Variants in GRID2 observed in about 807,000 individuals in gnomAD.
GRID2 encodes the protein glutamate receptor ionotropic, delta-2.
In GRID2, 33 loss-of-function variants were observed where a neutral mutation model predicts 114.8. The observed-to-expected ratio is 0.29, with a 90% CI of 0.22 to 0.38. The LOEUF (loss-of-function observed/expected upper bound fraction) is 0.38. Ranked by LOEUF, GRID2 falls within the 10% of genes least tolerant of loss-of-function variation. The probability of loss-of-function intolerance (pLI) is 1.00; values close to 1 mark genes in which losing one functional copy is unlikely to be tolerated. For synonymous variants in GRID2, 505 were observed against 449.9 expected (o/e 1.12, Z -1.55); for missense variants, 1,184 against 1,257.7 (o/e 0.94, Z 0.89).
chr4:92,950,402 T>C (rs751703124), intron 2 of GRID2, among the ~76,000 whole-genome samples: 2 of 152,186 alleles, frequency 1.3e-5, no homozygotes, highest in African/African-American at 4.8e-5. Flanking sequence ...TGGTAATAAA[T>C]TAAGTTCCTA....
At chr4:92,654,811 G>C (rs1240252845) in intron 2 of GRID2, among the ~76,000 whole-genome samples, 1 of 151,964 alleles carries the variant, frequency 6.6e-6, no homozygotes, top group Non-Finnish European at 1.5e-5. Flanking sequence ...TCCCTTGTCA[G>C]ATGAATAATT....
intron 2 of GRID2, among the ~76,000 whole-genome samples, chr4:92,872,254 A>T (rs1344306105): frequency 6.6e-6 from 1 of 152,210 alleles, no homozygotes; most frequent in Non-Finnish European, 1.5e-5. Flanking sequence ...CACATTTATG[A>T]AGAAAGAATA....
At chr4:92,658,874 G>GTA (rs1732385608) in intron 2 of GRID2, among the ~76,000 whole-genome samples, 4 of 133,656 alleles carry the variant, frequency 3.0e-5, no homozygotes, top group Admixed American at 1.5e-4. Flanking sequence ...TATTATATGT[G>GTA]TATATATATA....
chr4:93,295,686 C>T (rs1754226728), intron 8 of GRID2, among the ~76,000 whole-genome samples: 1 of 152,088 alleles, frequency 6.6e-6, no homozygotes, highest in African/African-American at 2.4e-5. Flanking sequence ...TAAGGCTGTT[C>T]AACTGATTGA....
chr4:92,543,015 G>T (rs1726061318), intron 1 of GRID2, among the ~76,000 whole-genome samples: 1 of 151,888 alleles, frequency 6.6e-6, no homozygotes, highest in Non-Finnish European at 1.5e-5. Context: ...ACCATGATAG[G>T]CTCATCTTTT....
chr4:92,534,940 C>A (rs1004404868), intron 1 of GRID2, among the ~76,000 whole-genome samples: 2 of 152,034 alleles, frequency 1.3e-5, no homozygotes, highest in African/African-American at 4.8e-5. Context: ...TGATGAAAAC[C>A]TTTAGCAAAA....
At chr4:92,790,845 G>A (rs180691932) in intron 2 of GRID2, among the ~76,000 whole-genome samples, 219 of 150,532 alleles carry the variant, frequency 1.5e-3, no homozygotes, top group African/African-American at 5.0e-3. Context: ...GTTGTGTTTT[G>A]TTTTCTTCTT....
At chr4:92,808,175 G>C (rs1453422442) in intron 2 of GRID2, among the ~76,000 whole-genome samples, 2 of 151,878 alleles carry the variant, frequency 1.3e-5, no homozygotes, top group African/African-American at 4.8e-5. Context: ...ACTAGAGACT[G>C]GAAGAAACCC....
intron 13 of GRID2, among the ~76,000 whole-genome samples, chr4:93,548,021 AC>A (rs1733389820): frequency 1.3e-5 from 2 of 152,112 alleles, no homozygotes; most frequent in African/African-American, 4.8e-5. Flanking sequence ...TACTAAAAAT[AC>A]AAAAATTAGC....
At chr4:92,987,162 T>A (rs1754553814) in intron 2 of GRID2, among the ~76,000 whole-genome samples, 1 of 152,184 alleles carries the variant, frequency 6.6e-6, no homozygotes, top group African/African-American at 2.4e-5. Flanking sequence ...GAAAGGAAAT[T>A]ACTGTTATAC....
At chr4:93,725,057 A>C (rs1729725071) in intron 14 of GRID2, among the ~76,000 whole-genome samples, 1 of 152,134 alleles carries the variant, frequency 6.6e-6, no homozygotes, top group South Asian at 2.1e-4. Flanking sequence ...ATATGTATAC[A>C]TGTGCCATGT....
chr4:92,987,566 A>ACATGTAC (rs1288233645), intron 2 of GRID2, among the ~76,000 whole-genome samples: 1 of 152,162 alleles, frequency 6.6e-6, no homozygotes, highest in Non-Finnish European at 1.5e-5. Context: ...CACGTTGTGC[A>ACATGTAC]CATGTACCCT....
chr4:93,738,311 G>T (rs1409021761), intron 14 of GRID2, among the ~76,000 whole-genome samples: 1 of 152,052 alleles, frequency 6.6e-6, no homozygotes, highest in Non-Finnish European at 1.5e-5. Context: ...TCCATATAAG[G>T]GTTATGAGCA....
Position 92,965,450 on chromosome 4 carries a change from TAAAAAAAAAAAA to T in GRID2, c.245-119517_245-119506del, listed in dbSNP as rs869285420. On this transcript the variant is annotated intron_variant, in intron 2 of 15. Transcript: ENST00000282020. ...AGGGTTGCCATAAACATTCAATTTG[TAAAAAAAAAAAA>T]AAAAAAAAAAAAAAAAAAAAAAAAA... 3.5e-3 allele frequency among the ~76,000 whole-genome samples: 304 copies of T among 85,698 alleles called. 3 individuals carry two copies. Among genetic ancestry groups the T allele is most frequent in the African/African-American group, 0.012 (275 of 22,614 alleles). The allele number at this position is 85,698 out of a possible 152,430, so 56.2% of individuals were successfully genotyped here. A position where few individuals can be genotyped will look rare whatever the true frequency, so the allele number is the denominator to read the frequency against.
chr4:93,725,458 C>G (rs1197847171), intron 14 of GRID2, among the ~76,000 whole-genome samples: 2 of 152,078 alleles, frequency 1.3e-5, no homozygotes, highest in East Asian at 3.9e-4. Flanking sequence ...GTGCATGTGT[C>G]TTTATAGCAG....
chr4:93,169,945 T>G (rs1019303112), intron 4 of GRID2, among the ~76,000 whole-genome samples: 2 of 152,232 alleles, frequency 1.3e-5, no homozygotes, highest in Non-Finnish European at 2.9e-5. Context: ...CATATTCAAG[T>G]ATGTTTCAAG....
chr4:93,377,932 T>A (rs1262889258), intron 8 of GRID2, among the ~76,000 whole-genome samples: 1 of 152,114 alleles, frequency 6.6e-6, no homozygotes, highest in African/African-American at 2.4e-5. Flanking sequence ...TACATGTATA[T>A]CTTGACTTAT....
intron 8 of GRID2, among the ~76,000 whole-genome samples, chr4:93,249,056 A>T (rs1352341259): frequency 6.6e-6 from 1 of 152,104 alleles, no homozygotes; most frequent in South Asian, 2.1e-4. Context: ...ACTCTTTCCC[A>T]TTTTAAGAAT....
At chr4:93,189,760 C>CCA (rs1560967415) in intron 4 of GRID2, among the ~76,000 whole-genome samples, 1 of 137,582 alleles carries the variant, frequency 7.3e-6, no homozygotes, top group African/African-American at 2.7e-5. Context: ...AACAACAACA[C>CCA]CACCACACCA....
Sources: gnomAD v4.1 joint callset for allele counts (sites outside exome capture counted in the v4.1 genomes callset) on GRCh38, gnomAD v4.1.1 for gene constraint, MANE v1.5 for transcripts, NCBI Gene and HGNC (gene_info 2026-07-23, HGNC 2026-07-21) for gene names.